Variants in PIGN observed in about 807,000 individuals in gnomAD.
PIGN encodes phosphatidylinositol glycan anchor biosynthesis class N.
PIGN carries 117 observed loss-of-function variants against 125.4 expected under a neutral mutation model. That is an observed-to-expected ratio of 0.93 (90% CI 0.80 to 1.09). The LOEUF is 1.09. PIGN is among the 50% of genes least tolerant of loss of function. The probability of loss-of-function intolerance (pLI) is 0.00; values close to 1 mark genes in which losing one functional copy is unlikely to be tolerated. For synonymous variants in PIGN, 392 were observed against 377.8 expected (o/e 1.04, Z -0.44); for missense variants, 1,075 against 1,094.9 (o/e 0.98, Z 0.26).
At chr18:62,143,392 A>G (rs2036207160) in intron 10 of PIGN, 46 bp from the exon 11 acceptor site, 3 of 1,216,978 alleles carry the variant, frequency 2.5e-6, no homozygotes, top group Admixed American at 2.0e-5. Context: ...AGATTTAAAA[A>G]AGAATAAATC....
rs567727909 is a variant in PIGN at position 62,156,401 on chromosome 18, T to C, written c.442+728A>G. On this transcript the variant is annotated intron_variant, in intron 6 of 30. Transcript: ENST00000640252. ...TGGAGTGCAGTGGCATAATCATGGC[T>C]CACTGCAGCCTCAACATCCCAGGCT... Among the ~76,000 whole-genome samples, 73 of 152,280 alleles carry C rather than the reference T, an allele frequency of 4.8e-4. 1 individual carries two copies. Among genetic ancestry groups the C allele is most frequent in the Middle Eastern group, 6.8e-3 (2 of 294 alleles).
At chr18:62,067,661 C>A (rs1163349716) in intron 30 of PIGN, among the ~76,000 whole-genome samples, 1 of 152,122 alleles carries the variant, frequency 6.6e-6, no homozygotes, top group East Asian at 1.9e-4. Flanking sequence ...TTACTCATTT[C>A]TTTTTATAGG....
intron 1 of PIGN, among the ~76,000 whole-genome samples, chr18:62,169,702 C>T (rs535718021): frequency 2.0e-5 from 3 of 151,722 alleles, no homozygotes; most frequent in Admixed American, 6.6e-5. Flanking sequence ...CTTACTGCAG[C>T]CTTGACCTCC....
chr18:62,115,231 A>G (rs1318434008), intron 14 of PIGN, among the ~76,000 whole-genome samples: 1 of 152,196 alleles, frequency 6.6e-6, no homozygotes, highest in East Asian at 1.9e-4. Flanking sequence ...TTACCAGAGT[A>G]GAAACACTAA....
At position 62,046,397 on chromosome 18, in the gene PIGN, C is replaced by T. The variant is rs1367307926; in HGVS notation, c.2673-418G>A. ...AGTGGTGGACCAGTGACCATTACTG[C>T]CCGAGCTCCGCCTCCTGTCAGATCA... is the stretch of plus-strand genomic sequence containing the variant. On this transcript the variant is annotated intron_variant, in intron 30 of 30. Transcript: ENST00000640252. Among the ~76,000 whole-genome samples, 5 of 151,812 alleles carry T rather than the reference C, an allele frequency of 3.3e-5. No homozygotes were observed. The East Asian group carries it at 9.7e-4, about 30-fold the overall frequency.
intron 30 of PIGN, among the ~76,000 whole-genome samples, chr18:62,046,448 G>A (rs762238555): frequency 8.1e-5 from 8 of 99,218 alleles, no homozygotes; most frequent in Non-Finnish European, 1.8e-4. Context: ...TCTCAGAGGA[G>A]CACGAACCCT....
intron 30 of PIGN, among the ~76,000 whole-genome samples, chr18:62,046,245 G>C (rs1439145391): frequency 6.6e-6 from 1 of 152,006 alleles, no homozygotes; most frequent in Non-Finnish European, 1.5e-5. Context: ...GATATAAAAT[G>C]GTGCCGTATT....
intron 2 of PIGN, among the ~76,000 whole-genome samples, 196 bp downstream of exon 2, chr18:62,163,334 AC>A: frequency 6.6e-6 from 1 of 152,274 alleles, no homozygotes; most frequent in South Asian, 2.1e-4. Context: ...GTTGGAGATA[AC>A]CTTTATTACG....
rs549761667 is a variant in PIGN, at chr18:62,043,573, T to A, written c.*2283A>T. Reference sequence around the variant, plus strand: ...ATAAATAATTATAAAGACATTACTATGAAAATATACAATCATTTATAACAT... The same window carrying A: ...ATAAATAATTATAAAGACATTACTAAGAAAATATACAATCATTTATAACAT... On this transcript the variant is annotated 3_prime_UTR_variant, in exon 31 of 31. Coordinates refer to ENST00000640252, the MANE Select transcript of PIGN (RefSeq NM_176787.5). The A allele has an allele frequency of 2.6e-5, 4 of 152,312 alleles. No homozygotes were observed. The South Asian group carries it at 8.3e-4, about 32-fold the overall frequency. 9.4% of individuals were successfully genotyped at this position (152,312 alleles called of 1,614,324 possible).
chr18:62,037,713 T>C (rs982759997), downstream of PIGN, among the ~76,000 whole-genome samples: 1 of 152,200 alleles, frequency 6.6e-6, no homozygotes, highest in Middle Eastern at 3.2e-3. Context: ...AAACCACCTA[T>C]ATATTTTTCT....
At chr18:62,124,779 C>T (rs779837168) in intron 14 of PIGN, among the ~76,000 whole-genome samples, 1 of 152,100 alleles carries the variant, frequency 6.6e-6, no homozygotes, top group Non-Finnish European at 1.5e-5. Context: ...CATGGGAAAA[C>T]AGGCAAAATT....
chr18:62,140,399 TA>T lies in PIGN; in HGVS notation c.1023+20del. ...AGTTTTTTTTTATACTGAGAGTTGA[TA>T]ATAAAATTTTATTCCTTACCACTGA... On this transcript the variant is annotated intron_variant, in intron 12 of 30. Coordinates refer to ENST00000640252, the MANE Select transcript of PIGN (RefSeq NM_176787.5). The T allele has an allele frequency of 8.8e-7, 1 of 1,133,210 alleles. No individual in the cohort carries two copies. The highest frequency in any genetic ancestry group is 1.3e-6 in the Non-Finnish European group (1 of 777,852). 70.2% of individuals were successfully genotyped at this position (1,133,210 alleles called of 1,614,324 possible). A position where few individuals can be genotyped will look rare whatever the true frequency, so the allele number is the denominator to read the frequency against.
At chr18:62,024,937 G>C (rs1205041856) in intron 23 of PIGN, among the ~76,000 whole-genome samples, 1 of 152,138 alleles carries the variant, frequency 6.6e-6, no homozygotes, top group Non-Finnish European at 1.5e-5. Context: ...TTCTCAAAGA[G>C]GCCATTGAAA....
chr18:62,177,049 GCT>G (rs1222435074), intron 1 of PIGN, among the ~76,000 whole-genome samples: 1 of 151,926 alleles, frequency 6.6e-6, no homozygotes, highest in East Asian at 1.9e-4. Flanking sequence ...TTTATGGATA[GCT>G]CTGATTTCAG....
intron 14 of PIGN, among the ~76,000 whole-genome samples, chr18:62,117,150 A>G (rs1485163581): frequency 6.6e-6 from 1 of 152,124 alleles, no homozygotes; most frequent in Non-Finnish European, 1.5e-5. Flanking sequence ...ACAAGCCTCA[A>G]TGTATCACCA....
chr18:62,110,918 T>C (rs1175036763), intron 16 of PIGN, among the ~76,000 whole-genome samples: 1 of 149,136 alleles, frequency 6.7e-6, no homozygotes, highest in African/African-American at 2.4e-5. Flanking sequence ...GTTCTATTTC[T>C]CTGGTTTTTA....
At chr18:62,184,006 A>G (rs1273386815) in intron 1 of PIGN, among the ~76,000 whole-genome samples, 1 of 152,186 alleles carries the variant, frequency 6.6e-6, no homozygotes, top group South Asian at 2.1e-4. Context: ...GAAAATCACA[A>G]TTTATTCAGA....
In PIGN at chr18:62,045,774, C is replaced by T. The variant is rs2030626697; in HGVS notation, c.*82G>A. 7.4e-7 allele frequency: 1 copy of T among 1,347,176 alleles called. No individual in the cohort carries two copies. The highest frequency in any genetic ancestry group is 1.0e-6 in the Non-Finnish European group (1 of 953,362). 83.5% of individuals were successfully genotyped at this position (1,347,176 alleles called of 1,614,324 possible). Reference sequence around the variant, plus strand: ...AGTAGAATATACTATATATCCATATCCATCTTCTTATTGAAGCCTTGATGA... The same window carrying T: ...AGTAGAATATACTATATATCCATATTCATCTTCTTATTGAAGCCTTGATGA... On this transcript the variant is annotated 3_prime_UTR_variant, in exon 31 of 31. Coordinates refer to ENST00000640252, the MANE Select transcript of PIGN (RefSeq NM_176787.5).
chr18:62,033,207 C>A (rs550320986), intron 23 of PIGN, among the ~76,000 whole-genome samples: 1 of 152,162 alleles, frequency 6.6e-6, no homozygotes, highest in Admixed American at 6.5e-5. Flanking sequence ...CTGCATCCCC[C>A]CAAGACCCCT....
Sources: gnomAD v4.1 joint callset for allele counts (sites outside exome capture counted in the v4.1 genomes callset) on GRCh38, gnomAD v4.1.1 for gene constraint, MANE v1.5 for transcripts, NCBI Gene and HGNC (gene_info 2026-07-23, HGNC 2026-07-21) for gene names.